Variants in MED27 observed in about 807,000 individuals in gnomAD.
MED27 encodes the protein mediator complex subunit 27, also known as mediator of RNA polymerase II transcription subunit 27.
A neutral mutation model predicts 38.2 loss-of-function variants in MED27; 30 were observed. The ratio of observed to expected loss-of-function variants is 0.79; its 90% CI spans 0.59 to 1.07. The LOEUF (loss-of-function observed/expected upper bound fraction) is 1.07. Among genes scored for constraint, MED27 ranks in the 50% least tolerant of loss-of-function variants. The pLI, the probability that MED27 is intolerant of heterozygous loss-of-function variation, is 0.00. For missense variants in MED27, 289 were observed against 397.5 expected (o/e 0.73, Z 2.32); for synonymous variants, 122 against 153.5 (o/e 0.79, Z 1.52).
intron 6 of MED27, among the ~76,000 whole-genome samples, chr9:131,873,136 T>C (rs911744288): frequency 1.3e-5 from 2 of 152,108 alleles, no homozygotes; most frequent in Non-Finnish European, 2.9e-5. Context: ...GACCCACCAG[T>C]AAGGAGAGGG....
At chr9:131,984,425 C>T (rs1402003020) in intron 3 of MED27, among the ~76,000 whole-genome samples, 1 of 152,142 alleles carries the variant, frequency 6.6e-6, no homozygotes, top group Admixed American at 6.5e-5. Flanking sequence ...GACTTGTTTG[C>T]CAGGCACTGT....
intron 3 of MED27, among the ~76,000 whole-genome samples, chr9:131,993,241 T>A (rs1367394656): frequency 6.6e-6 from 1 of 151,400 alleles, no homozygotes; most frequent in Non-Finnish European, 1.5e-5. Context: ...TTTTTTTTTT[T>A]TTAAAAAATT....
At chr9:131,875,339 G>T (rs1831459133) in intron 6 of MED27, among the ~76,000 whole-genome samples, 1 of 152,174 alleles carries the variant, frequency 6.6e-6, no homozygotes, top group Admixed American at 6.5e-5. Flanking sequence ...ACAATGCTTT[G>T]GTGGGAATGG....
intron 5 of MED27, among the ~76,000 whole-genome samples, chr9:131,892,300 A>G (rs1163925184): frequency 3.3e-5 from 5 of 152,234 alleles, no homozygotes; most frequent in Non-Finnish European, 7.3e-5. Flanking sequence ...AAGTTAGAAT[A>G]AAAATAATAC....
At chr9:131,979,005 G>T (rs1268225060) in intron 3 of MED27, among the ~76,000 whole-genome samples, 1 of 152,162 alleles carries the variant, frequency 6.6e-6, no homozygotes, top group East Asian at 1.9e-4. Flanking sequence ...TTTATGTAAA[G>T]AAATGAATTA....
intron 3 of MED27, among the ~76,000 whole-genome samples, chr9:131,946,651 A>G (rs928831512): frequency 3.3e-5 from 5 of 152,160 alleles, no homozygotes; most frequent in Non-Finnish European, 5.9e-5. Flanking sequence ...AAGTCCTAGG[A>G]GGGCCAAGGA....
At chr9:131,878,697 G>T (rs193252639) in intron 6 of MED27, among the ~76,000 whole-genome samples, 2 of 152,314 alleles carry the variant, frequency 1.3e-5, no homozygotes, top group African/African-American at 4.8e-5. Context: ...AATGCACAGA[G>T]TTTTGAAATG....
chr9:131,883,019 T>G lies in MED27; in HGVS notation c.723+1039A>C, dbSNP rs1839075064. On this transcript the variant is annotated intron_variant, in intron 6 of 7. Coordinates refer to ENST00000292035, the MANE Select transcript of MED27 (RefSeq NM_004269.4). This position sits in a 1 kb window ranked among gnomAD's most constrained non-coding sequence, Gnocchi z 4.2. Reference sequence around the variant, plus strand: ...GTCTCCCAGGTTTAAGCAATTCTTCTGCCTCAGCCTCCTGAGTAGCTAGGA... The same window carrying G: ...GTCTCCCAGGTTTAAGCAATTCTTCGGCCTCAGCCTCCTGAGTAGCTAGGA... 6.6e-6 allele frequency among the ~76,000 whole-genome samples: 1 copy of G among 152,124 alleles called. No homozygotes were observed. The highest frequency in any genetic ancestry group is 1.5e-5 in the Non-Finnish European group (1 of 68,024).
intron 2 of MED27, among the ~76,000 whole-genome samples, chr9:132,025,920 A>G (rs545154694): frequency 3.3e-5 from 5 of 152,304 alleles, no homozygotes; most frequent in Admixed American, 1.3e-4. Flanking sequence ...AAGAACTTGT[A>G]TCTGATGAAA....
intron 4 of MED27, among the ~76,000 whole-genome samples, chr9:131,895,856 G>C (rs1829823511): frequency 1.3e-5 from 2 of 151,496 alleles, no homozygotes; most frequent in Non-Finnish European, 2.9e-5. Flanking sequence ...AGTCAACATG[G>C]AGCCTACTGG....
rs1178949533 is a variant in MED27 at position 131,862,789 on chromosome 9, T to C, written c.801+274A>G. ...GATTAGGAGCTCAATGAAATATCTGTGGACTAAGTCAATGCTGGAACTATT... is the reference window on the plus strand; with the variant it reads ...GATTAGGAGCTCAATGAAATATCTGCGGACTAAGTCAATGCTGGAACTATT... On this transcript the variant is annotated intron_variant, in intron 7 of 7. Coordinates refer to ENST00000292035, the MANE Select transcript of MED27 (RefSeq NM_004269.4). The surrounding 1 kb of genome is among the most constrained non-coding windows in gnomAD (Gnocchi z 4.6). 6.6e-6 allele frequency among the ~76,000 whole-genome samples: 1 copy of C among 152,214 alleles called. No individual in the cohort carries two copies. The highest frequency in any genetic ancestry group is 1.5e-5 in the Non-Finnish European group (1 of 68,048).
intron 3 of MED27, among the ~76,000 whole-genome samples, chr9:132,005,944 T>C (rs935808842): frequency 6.6e-6 from 1 of 152,180 alleles, no homozygotes; most frequent in Non-Finnish European, 1.5e-5. Flanking sequence ...TGTTCTAGAA[T>C]GCAAACAATG....
chr9:131,998,619 A>G (rs1390929311), intron 3 of MED27, among the ~76,000 whole-genome samples: 1 of 152,220 alleles, frequency 6.6e-6, no homozygotes, highest in Non-Finnish European at 1.5e-5. Flanking sequence ...AATAAACTGC[A>G]CTGAATTAAT....
At chr9:131,878,274 A>AAAATAAATAAATAAATAAAT (rs139530478) in intron 6 of MED27, among the ~76,000 whole-genome samples, 3 of 147,832 alleles carry the variant, frequency 2.0e-5, no homozygotes, top group African/African-American at 5.1e-5. Context: ...CTCCATTACA[A>AAAATAAATAAATAAATAAAT]AAATAAATAA....
rs569599998 is a variant in MED27, at chr9:131,930,204, A to G, written c.573+9177T>C. ...TACAAAGTTTATTCCAAGGGGTAAC[A>G]TCAGATCACTGTCCAAAACTAGAGA... On this transcript the variant is annotated intron_variant, in intron 4 of 7. Coordinates refer to ENST00000292035, the MANE Select transcript of MED27 (RefSeq NM_004269.4). Among the ~76,000 whole-genome samples, 4 of 152,354 alleles carry G rather than the reference A, an allele frequency of 2.6e-5. No individual in the cohort carries two copies. In the East Asian group the frequency reaches 7.7e-4, roughly 29 times the overall value.
chr9:132,049,594 T>C (rs1345734558), intron 2 of MED27, among the ~76,000 whole-genome samples: 1 of 152,124 alleles, frequency 6.6e-6, no homozygotes, highest in African/African-American at 2.4e-5. Context: ...TGGCAAGGTC[T>C]GGTGAATGTC....
chr9:132,075,950 T>C (rs1015760470), intron 2 of MED27, among the ~76,000 whole-genome samples: 3 of 152,214 alleles, frequency 2.0e-5, no homozygotes, highest in African/African-American at 7.2e-5. Flanking sequence ...TCAGGTGCTC[T>C]GAGCTGAGGA....
chr9:131,964,791 G>C (rs113114351), intron 3 of MED27, among the ~76,000 whole-genome samples: 1 of 152,142 alleles, frequency 6.6e-6, no homozygotes, highest in Admixed American at 6.5e-5. Flanking sequence ...AGTCCTTTCC[G>C]ATACAAGGAC....
At chr9:131,921,427 TTCA>T (rs1344336886) in intron 4 of MED27, among the ~76,000 whole-genome samples, 1 of 152,194 alleles carries the variant, frequency 6.6e-6, no homozygotes, top group East Asian at 1.9e-4. Context: ...AGAGCTTTCC[TTCA>T]TCATCACTGG....
Sources: allele counts gnomAD v4.1 joint callset (sites outside exome capture counted in the v4.1 genomes callset), GRCh38; gene constraint gnomAD v4.1.1; non-coding constraint Gnocchi (gnomAD v3.1); transcripts MANE v1.5; gene names NCBI Gene and HGNC (gene_info 2026-07-23, HGNC 2026-07-21).